Variants in MYO18A observed in about 807,000 individuals in gnomAD.
The protein encoded by MYO18A is unconventional myosin-XVIIIa.
Under a neutral mutation model 235.8 loss-of-function variants are expected in MYO18A, and 78 were observed. The observed-to-expected ratio is 0.33, with a 90% confidence interval of 0.28 to 0.40. The LOEUF (loss-of-function observed/expected upper bound fraction) is 0.40. MYO18A is among the 10% of genes least tolerant of loss of function. The probability of loss-of-function intolerance (pLI) is 1.00; values close to 1 mark genes in which losing one functional copy is unlikely to be tolerated. For missense variants in MYO18A, 2,215 were observed against 2,699.3 expected (o/e 0.82, Z 3.98); for synonymous variants, 977 against 1,077.8 (o/e 0.91, Z 1.83).
At chr17:29,167,045 GAA>G in intron 1 of MYO18A, 24 bp from the exon 2 acceptor site, 1 of 1,429,746 alleles carries the variant, frequency 7.0e-7, no homozygotes. Flanking sequence ...CACACAGAGA[GAA>G]AGGTTATTCG....
intron 26 of MYO18A, 57 bp from the exon 27 acceptor site, chr17:29,097,407 C>A (rs1170300755): frequency 5.0e-6 from 8 of 1,592,104 alleles, no homozygotes; most frequent in African/African-American, 1.3e-5. Context: ...CCAGAAGGGG[C>A]AGAGGGGAAG....
chr17:29,132,529 G>A (rs1342593354), intron 2 of MYO18A, among the ~76,000 whole-genome samples: 1 of 152,166 alleles, frequency 6.6e-6, no homozygotes, highest in Non-Finnish European at 1.5e-5. Context: ...ATGGCAAGAA[G>A]TCCTTGATTC....
At chr17:29,177,274 T>G (rs556792079) in intron 1 of MYO18A, among the ~76,000 whole-genome samples, 1 of 152,252 alleles carries the variant, frequency 6.6e-6, no homozygotes, top group African/African-American at 2.4e-5. Context: ...TAGAGAATAA[T>G]CACAATAATC....
Position 29,074,221 on chromosome 17 carries a change from C to A in MYO18A, c.*549G>T, listed in dbSNP as rs868769024. The A allele has an allele frequency of 3.2e-6, 5 of 1,568,880 alleles. No individual in the cohort carries two copies. The Middle Eastern group carries it at 6.9e-4, about 217-fold the overall frequency. ...ACATTCCCGAGTCGTTCTTGGGAGC[C>A]CCAGCTACCACTACAGCCCCCTCCC... On this transcript the variant is annotated 3_prime_UTR_variant, in exon 42 of 42. Transcript: ENST00000527372. The surrounding 1 kb of genome is among the most constrained non-coding windows in gnomAD (Gnocchi z 4.4).
chr17:29,163,110 G>C (rs1168265139), intron 2 of MYO18A, among the ~76,000 whole-genome samples: 1 of 152,254 alleles, frequency 6.6e-6, no homozygotes, highest in African/African-American at 2.4e-5. Context: ...TGGCCAGCAA[G>C]AGCTGTCCCT....
At chr17:29,170,724 A>C (rs1290185154) in intron 1 of MYO18A, among the ~76,000 whole-genome samples, 1 of 151,848 alleles carries the variant, frequency 6.6e-6, no homozygotes, top group African/African-American at 2.4e-5. Context: ...TACTATCCCC[A>C]AAAACAAAAA....
At chr17:29,156,449 T>C (rs2068068226) in intron 2 of MYO18A, among the ~76,000 whole-genome samples, 1 of 152,052 alleles carries the variant, frequency 6.6e-6, no homozygotes, top group Non-Finnish European at 1.5e-5. Context: ...CCTCCAGTCC[T>C]GTGAGAGATG....
chr17:29,082,200 C>A, intron 41 of MYO18A, 116 bp downstream of exon 41: 1 of 1,382,150 alleles, frequency 7.2e-7, no homozygotes, highest in Non-Finnish European at 1.0e-6. Context: ...GCCCGGGCCG[C>A]AGTCACAAAT....
intron 15 of MYO18A, among the ~76,000 whole-genome samples, chr17:29,113,513 C>CT (rs1208269993): frequency 6.6e-6 from 1 of 152,228 alleles, no homozygotes; most frequent in Non-Finnish European, 1.5e-5. Context: ...CAGAGGGCGT[C>CT]TGACAGCTTA....
chr17:29,084,616 C>A (rs1227500552), intron 40 of MYO18A, among the ~76,000 whole-genome samples: 1 of 152,152 alleles, frequency 6.6e-6, no homozygotes, highest in Non-Finnish European at 1.5e-5. Flanking sequence ...CAAACGGAGA[C>A]AGAACGGCGG....
chr17:29,145,941 TGAA>T (rs1316608736), intron 2 of MYO18A, among the ~76,000 whole-genome samples: 2 of 151,718 alleles, frequency 1.3e-5, no homozygotes, highest in African/African-American at 2.4e-5. Context: ...AATTCCAGGG[TGAA>T]GAAGTAGTGT....
At chr17:29,122,663 G>C (rs1406322773) in intron 2 of MYO18A, among the ~76,000 whole-genome samples, 1 of 152,264 alleles carries the variant, frequency 6.6e-6, no homozygotes, top group Non-Finnish European at 1.5e-5. Flanking sequence ...CCTAGCCACA[G>C]CTACTAGGAT....
intron 2 of MYO18A, among the ~76,000 whole-genome samples, chr17:29,143,326 G>A (rs2067781570): frequency 6.6e-6 from 1 of 152,018 alleles, no homozygotes; most frequent in South Asian, 2.1e-4. Context: ...TCCATCTCCT[G>A]GGCTCAGCCC....
At chr17:29,155,989 TC>T (rs937006579) in intron 2 of MYO18A, among the ~76,000 whole-genome samples, 1 of 152,070 alleles carries the variant, frequency 6.6e-6, no homozygotes, top group African/African-American at 2.4e-5. Context: ...CAAAACTGTC[TC>T]CCAGAGGGGA....
intron 41 of MYO18A, chr17:29,080,064 C>T (rs1414784686): frequency 1.0e-6 from 1 of 985,944 alleles, no homozygotes; most frequent in African/African-American, 1.7e-5. Context: ...CGCTCCTTCG[C>T]CGGCTCCGGC....
At chr17:29,175,474 C>A (rs911604566) in intron 1 of MYO18A, among the ~76,000 whole-genome samples, 6 of 151,266 alleles carry the variant, frequency 4.0e-5, no homozygotes, top group Non-Finnish European at 7.4e-5. Context: ...GCGATCCTTC[C>A]CACCGCAGCC....
At position 29,100,590 on chromosome 17, in the gene MYO18A, G is replaced by A. The variant is rs77632863; in HGVS notation, c.3508-828C>T. Among the ~76,000 whole-genome samples the A allele has an allele frequency of 1.8e-4, 27 of 152,292 alleles. No individual in the cohort carries two copies. The East Asian group carries it at 3.5e-3, about 20-fold the overall frequency. ...TAGGGCTCGGTAAAATTTGCCACAC[G>A]CCACAAAGGGAAGTGTGTGTGAAAC... is the stretch of plus-strand genomic sequence containing the variant. On this transcript the variant is annotated intron_variant, in intron 21 of 41. Coordinates refer to ENST00000527372, the MANE Select transcript of MYO18A (RefSeq NM_078471.4).
intron 2 of MYO18A, chr17:29,128,576 C>T: frequency 8.3e-7 from 1 of 1,204,648 alleles, no homozygotes; most frequent in Non-Finnish European, 1.1e-6. Context: ...TAGACATTAG[C>T]ATCACCCCTG....
intron 2 of MYO18A, among the ~76,000 whole-genome samples, chr17:29,149,567 G>A (rs564967466): frequency 1.3e-5 from 2 of 152,230 alleles, no homozygotes. Flanking sequence ...TTCGGGCACA[G>A]AGCCCAAGTA....
Sources: allele counts gnomAD v4.1 joint callset (sites outside exome capture counted in the v4.1 genomes callset), GRCh38; gene constraint gnomAD v4.1.1; non-coding constraint Gnocchi (gnomAD v3.1); transcripts MANE v1.5; gene names NCBI Gene and HGNC (gene_info 2026-07-23, HGNC 2026-07-21).